Variants in ABCC11 observed in about 807,000 individuals in gnomAD.
The protein encoded by ABCC11 is ATP-binding cassette sub-family C member 11.
In ABCC11, 135 loss-of-function variants were observed where a neutral mutation model predicts 149.3. That is an observed-to-expected ratio of 0.90 (90% confidence interval 0.79 to 1.04). ABCC11 has a LOEUF of 1.04. Among genes scored for constraint, ABCC11 ranks in the 50% least tolerant of loss-of-function variants. The pLI is 0.00. For synonymous variants in ABCC11, 665 were observed against 671.4 expected (o/e 0.99, Z 0.15); for missense variants, 1,680 against 1,722.1 (o/e 0.98, Z 0.43).
At chr16:48,177,756 G>A (rs546188724) in intron 24 of ABCC11, among the ~76,000 whole-genome samples, 14 of 152,204 alleles carry the variant, frequency 9.2e-5, no homozygotes, top group South Asian at 2.1e-4. Context: ...TGCTGGTGCC[G>A]TGTCACAGCA....
chr16:48,171,049 G>A (rs1004638174), intron 26 of ABCC11, 82 bp from the exon 27 acceptor site: 1 of 1,210,136 alleles, frequency 8.3e-7, no homozygotes, highest in Non-Finnish European at 1.2e-6. Flanking sequence ...GAATGACCAA[G>A]AATGTTTAGA....
chr16:48,246,715 T>C (rs56183549), intron 1 of ABCC11, among the ~76,000 whole-genome samples: 1,855 of 152,130 alleles, frequency 0.012, 39 homozygotes, highest in African/African-American at 0.042. Flanking sequence ...GCTGGGACTA[T>C]AGGCGTGCAC....
intron 20 of ABCC11, among the ~76,000 whole-genome samples, chr16:48,189,621 G>A (rs1347593313): frequency 3.3e-5 from 5 of 152,124 alleles, no homozygotes; most frequent in Admixed American, 1.3e-4. Flanking sequence ...ATTAAAATAC[G>A]AAATGTCATT....
intron 26 of ABCC11, among the ~76,000 whole-genome samples, chr16:48,173,484 C>T (rs1352989505): frequency 1.3e-5 from 2 of 152,136 alleles, no homozygotes; most frequent in African/African-American, 4.8e-5. Context: ...CATATAAATG[C>T]TCAATAAATG....
At position 48,167,342 on chromosome 16, in the gene ABCC11, C is replaced by A. The variant is rs753854830; in HGVS notation, c.4081G>T (p.Val1361Leu). The A allele has an allele frequency of 1.5e-5, 18 of 1,162,594 alleles. No homozygotes were observed. Among genetic ancestry groups the A allele is most frequent in the Non-Finnish European group, 9.1e-6 (7 of 767,784 alleles). The allele number at this position is 1,162,594 out of a possible 1,614,324, so 72.0% of individuals were successfully genotyped here. A position where few individuals can be genotyped will look rare whatever the true frequency, so the allele number is the denominator to read the frequency against. Residue 1361 changes from valine (V) to leucine (L), a missense_variant, in exon 30 of 30, where the codon GTA (valine) becomes TTA (leucine). Transcript: ENST00000356608. ...GKVVEFDRPE[V>L]LRKKPGSLFA... ...AATGACCCAGGCTTCTTCCGCAGTA[C>A]CTCCGGCCGATCAAATTCTACCACC...
At chr16:48,200,226 G>A in intron 15 of ABCC11, 50 bp downstream of exon 15, 2 of 1,564,152 alleles carry the variant, frequency 1.3e-6, no homozygotes, top group Non-Finnish European at 8.8e-7. Flanking sequence ...AAAGGCTTGA[G>A]GATCTACGTT....
chr16:48,241,506 G>A (rs1970967638), intron 1 of ABCC11, among the ~76,000 whole-genome samples: 1 of 152,100 alleles, frequency 6.6e-6, no homozygotes, highest in Non-Finnish European at 1.5e-5. Flanking sequence ...TCCCCATCAA[G>A]CTACCAATGA....
At chr16:48,191,668 C>CA (rs1190685126) in intron 20 of ABCC11, among the ~76,000 whole-genome samples, 1 of 152,232 alleles carries the variant, frequency 6.6e-6, no homozygotes, top group Non-Finnish European at 1.5e-5. Flanking sequence ...TTTATCTTTA[C>CA]AGCAGCATGA....
chr16:48,179,277 C>T (rs529176975), intron 23 of ABCC11, among the ~76,000 whole-genome samples: 1 of 152,314 alleles, frequency 6.6e-6, no homozygotes, highest in Admixed American at 6.5e-5. Context: ...GCTGCCTGCA[C>T]CCAAGTTCCT....
chr16:48,176,951 C>T lies in ABCC11; in HGVS notation c.3511G>A (p.Val1171Met), dbSNP rs1316354932. The T allele has an allele frequency of 1.2e-6, 2 of 1,614,078 alleles. No homozygotes were observed. The highest frequency in any genetic ancestry group is 1.1e-5 in the South Asian group (1 of 91,054). Residue 1171 changes from valine (V) to methionine (M), a missense_variant, in exon 25 of 30, where the codon GTG becomes ATG. By Grantham distance (21) the Val-to-Met change is conservative. Transcript: ENST00000356608. ...INLTIRGHEV[V>M]GIVGRTGSGK... ...GAGCCCGTCCTTCCCACGATGCCCA[C>T]CACTTCGTGGCCGCGGATGGTCAGG...
intron 21 of ABCC11, 46 bp from the exon 22 acceptor site, chr16:48,187,136 G>A (rs1368832192): frequency 6.2e-7 from 1 of 1,613,744 alleles, no homozygotes; most frequent in East Asian, 2.2e-5. Context: ...CCACCTCTGG[G>A]ACCATCTAGT....
chr16:48,211,293 G>A, intron 10 of ABCC11, 94 bp from the exon 11 acceptor site: 3 of 1,458,994 alleles, frequency 2.1e-6, no homozygotes, highest in African/African-American at 1.4e-5. Flanking sequence ...CAGTTGGTAT[G>A]GTTTTGTGAA....
chr16:48,207,047 T>G (rs1968507752), intron 12 of ABCC11, among the ~76,000 whole-genome samples: 1 of 152,156 alleles, frequency 6.6e-6, no homozygotes, highest in Non-Finnish European at 1.5e-5. Flanking sequence ...GAGAGCTGGC[T>G]TTGGTAACAT....
chr16:48,210,798 G>T (rs368502316), intron 11 of ABCC11, 150 bp downstream of exon 11: 1 of 1,080,212 alleles, frequency 9.3e-7, no homozygotes, highest in East Asian at 2.6e-5. Flanking sequence ...TCCTGTGTTT[G>T]CCCTCCATGA....
chr16:48,196,351 G>A (rs1967411978), intron 17 of ABCC11, 30 bp from the exon 18 acceptor site: 1 of 1,599,442 alleles, frequency 6.3e-7, no homozygotes, highest in Non-Finnish European at 8.6e-7. Flanking sequence ...GAGAAAAGTG[G>A]TATGCCTGCC....
chr16:48,188,161 C>T (rs1966841985), intron 20 of ABCC11, among the ~76,000 whole-genome samples: 3 of 152,242 alleles, frequency 2.0e-5, no homozygotes, highest in Non-Finnish European at 1.5e-5. Context: ...TCTCAGCACA[C>T]TGCCTACGGG....
At chr16:48,198,101 C>T (rs763801314) in intron 16 of ABCC11, 34 bp from the exon 17 acceptor site, 14 of 1,614,068 alleles carry the variant, frequency 8.7e-6, no homozygotes, top group Non-Finnish European at 1.1e-5. Flanking sequence ...AGTACACGTG[C>T]GTCCACCGTG....
Position 48,193,755 on chromosome 16 carries a change from C to T in ABCC11, c.2508+124G>A. On this transcript the variant is annotated intron_variant, in intron 19 of 29. Coordinates refer to ENST00000356608, the MANE Select transcript of ABCC11 (RefSeq NM_001370497.1). ...CTCCCCACGGTTCTCTCTGGAACACCAGCTCTGGGCTTGTCATGTGGGTCC... is the reference window on the plus strand; with the variant it reads ...CTCCCCACGGTTCTCTCTGGAACACTAGCTCTGGGCTTGTCATGTGGGTCC... 5.3e-6 allele frequency: 4 copies of T among 749,160 alleles called. No homozygotes were observed. In the Admixed American group the frequency reaches 8.5e-5, roughly 16 times the overall value. The allele number at this position is 749,160 out of a possible 1,614,324, so 46.4% of individuals were successfully genotyped here. A position where few individuals can be genotyped will look rare whatever the true frequency, so the allele number is the denominator to read the frequency against.
intron 17 of ABCC11, among the ~76,000 whole-genome samples, chr16:48,197,177 TAGCC>T (rs1821553733): frequency 6.6e-6 from 1 of 152,042 alleles, no homozygotes; most frequent in African/African-American, 2.4e-5. Context: ...ATACAAAAAT[TAGCC>T]GGTGTGGTGG....
Sources: allele counts gnomAD v4.1 joint callset (sites outside exome capture counted in the v4.1 genomes callset), GRCh38; gene constraint gnomAD v4.1.1; transcripts MANE v1.5; gene names NCBI Gene and HGNC (gene_info 2026-07-23, HGNC 2026-07-21).